The following CSMD1 variants were observed in gnomAD, a reference collection of about 807,000 sequenced individuals.
CSMD1 encodes the protein CUB and Sushi multiple domains 1.
Under a neutral mutation model 417.5 loss-of-function variants are expected in CSMD1, and 213 were observed. That is an observed-to-expected ratio of 0.51 (90% CI 0.46 to 0.57). The LOEUF is 0.57. CSMD1 is among the 20% of genes least tolerant of loss of function. CSMD1 has a pLI of 0.00. For missense variants in CSMD1, 6,923 were observed against 4,529.7 expected (o/e 1.53, Z -15.17); for synonymous variants, 2,862 against 1,736.8 (o/e 1.65, Z -16.11).
At chr8:3,818,750 A>T (rs1166677936) in intron 5 of CSMD1, among the ~76,000 whole-genome samples, 1 of 152,208 alleles carries the variant, frequency 6.6e-6, no homozygotes, top group African/African-American at 2.4e-5. Flanking sequence ...AGATAGACAG[A>T]TGGTGTTAAA....
At chr8:4,665,538 G>A (rs1007428662) in intron 1 of CSMD1, among the ~76,000 whole-genome samples, 3 of 152,152 alleles carry the variant, frequency 2.0e-5, no homozygotes, top group African/African-American at 7.2e-5. Flanking sequence ...GAGGGTGGCA[G>A]CTGGTTATCA....
chr8:4,899,921 CAG>C (rs1180064569), intron 1 of CSMD1, among the ~76,000 whole-genome samples: 2 of 152,146 alleles, frequency 1.3e-5, no homozygotes, highest in African/African-American at 4.8e-5. Flanking sequence ...TACCCATCAC[CAG>C]AGTCTTGTTC....
chr8:4,542,057 G>A (rs1461219684), intron 2 of CSMD1, among the ~76,000 whole-genome samples: 1 of 152,108 alleles, frequency 6.6e-6, no homozygotes, highest in Non-Finnish European at 1.5e-5. Context: ...GTCCCCGTGT[G>A]CAATGGGCGC....
At chr8:4,986,722 A>T (rs967612621) in intron 1 of CSMD1, among the ~76,000 whole-genome samples, 5 of 152,048 alleles carry the variant, frequency 3.3e-5, no homozygotes, top group East Asian at 1.9e-4. Context: ...TAAAACTATT[A>T]AAAAAAAGAA....
intron 5 of CSMD1, among the ~76,000 whole-genome samples, chr8:3,935,038 T>C (rs529226722): frequency 7.2e-5 from 11 of 152,274 alleles, no homozygotes; most frequent in South Asian, 6.2e-4. Context: ...AAAGCTAGTC[T>C]CGTTTCTTTT....
intron 7 of CSMD1, among the ~76,000 whole-genome samples, chr8:3,618,367 A>T (rs1481487276): frequency 2.0e-5 from 3 of 152,178 alleles, no homozygotes; most frequent in Admixed American, 2.0e-4. Flanking sequence ...CATTAAATAC[A>T]AATTCTATTG....
intron 1 of CSMD1, among the ~76,000 whole-genome samples, chr8:4,733,993 C>G (rs997434601): frequency 5.9e-5 from 9 of 152,124 alleles, no homozygotes; most frequent in African/African-American, 1.9e-4. Flanking sequence ...AGTGAAGATT[C>G]TCTTATCAAA....
At chr8:2,953,084 A>C (rs1337219415) in intron 65 of CSMD1, among the ~76,000 whole-genome samples, 1 of 152,190 alleles carries the variant, frequency 6.6e-6, no homozygotes, top group Non-Finnish European at 1.5e-5. Context: ...TCAATATCTT[A>C]AACACAAAAT....
chr8:4,236,880 C>A (rs548959770), intron 3 of CSMD1, among the ~76,000 whole-genome samples: 1 of 152,142 alleles, frequency 6.6e-6, no homozygotes, highest in Non-Finnish European at 1.5e-5. Flanking sequence ...ACAGGCCAGG[C>A]AATGGTATAA....
At chr8:3,043,178 C>G (rs780607191) in intron 50 of CSMD1, among the ~76,000 whole-genome samples, 63 of 144,734 alleles carry the variant, frequency 4.4e-4, no homozygotes, top group Non-Finnish European at 7.7e-4. Flanking sequence ...TTATATAGTA[C>G]CATAGGTCAC....
chr8:4,024,204 G>A (rs575318221), intron 4 of CSMD1, among the ~76,000 whole-genome samples: 49 of 152,128 alleles, frequency 3.2e-4, no homozygotes, highest in Non-Finnish European at 6.6e-4. Flanking sequence ...ATAGTAAGAA[G>A]ACATGGGAAA....
Position 3,781,170 on chromosome 8 carries a change from G to A in CSMD1, c.819-27128C>T, listed in dbSNP as rs574469879. On this transcript the variant is annotated intron_variant, in intron 5 of 69. Transcript: ENST00000635120. The stretch of plus-strand genomic sequence containing the variant: ...GGTTGTCCAAACAAGACAAAGATTG[G>A]TGATTATTTAACTCACAGTACAAAG... Among the ~76,000 whole-genome samples the A allele has an allele frequency of 1.6e-4, 24 of 152,224 alleles. No individual in the cohort carries two copies. The South Asian group carries it at 5.0e-3, about 32-fold the overall frequency.
In CSMD1 at chr8:3,976,599, A is replaced by G. The variant is rs1375542774; in HGVS notation, c.818+21304T>C. Among the ~76,000 whole-genome samples the G allele has an allele frequency of 3.3e-5, 5 of 152,356 alleles. No homozygotes were observed. The East Asian group carries it at 5.8e-4, about 18-fold the overall frequency. Reference sequence around the variant, plus strand: ...CAAAGTAAAACCAGGCAAGATTTGCATAAGCATTAATTATTTCATCAATGC... The same window carrying G: ...CAAAGTAAAACCAGGCAAGATTTGCGTAAGCATTAATTATTTCATCAATGC... On this transcript the variant is annotated intron_variant, in intron 5 of 69. Transcript: ENST00000635120.
intron 1 of CSMD1, among the ~76,000 whole-genome samples, chr8:4,768,678 G>A (rs914287516): frequency 6.6e-6 from 1 of 152,194 alleles, no homozygotes; most frequent in African/African-American, 2.4e-5. Context: ...AGGGAAAGGT[G>A]TTGGCGTTCC....
chr8:4,003,065 G>T (rs1815819006), intron 4 of CSMD1, among the ~76,000 whole-genome samples: 2 of 152,104 alleles, frequency 1.3e-5, no homozygotes, highest in African/African-American at 4.8e-5. Flanking sequence ...ACAGCAGGGG[G>T]ATATTATTTA....
intron 3 of CSMD1, among the ~76,000 whole-genome samples, chr8:4,249,118 T>G (rs1157392832): frequency 6.6e-6 from 1 of 152,216 alleles, no homozygotes; most frequent in African/African-American, 2.4e-5. Context: ...CTTTCCCCAG[T>G]TACACCAAAC....
intron 51 of CSMD1, among the ~76,000 whole-genome samples, chr8:3,021,123 C>T (rs930219827): frequency 2.0e-5 from 3 of 152,168 alleles, no homozygotes; most frequent in East Asian, 1.9e-4. Flanking sequence ...GAGGTTTCAG[C>T]GCACCTTCGC....
intron 1 of CSMD1, among the ~76,000 whole-genome samples, chr8:4,814,684 A>G (rs1799103636): frequency 6.6e-6 from 1 of 152,196 alleles, no homozygotes; most frequent in Non-Finnish European, 1.5e-5. Flanking sequence ...TGAACACAAC[A>G]GCAAATCCCA....
chr8:3,042,765 C>T (rs961132587), intron 50 of CSMD1, among the ~76,000 whole-genome samples: 2 of 152,076 alleles, frequency 1.3e-5, no homozygotes, highest in African/African-American at 2.4e-5. Context: ...GCCTGGTGCT[C>T]ATAGACATAA....
Sources: gnomAD v4.1 joint callset for allele counts (sites outside exome capture counted in the v4.1 genomes callset) on GRCh38, gnomAD v4.1.1 for gene constraint, MANE v1.5 for transcripts, NCBI Gene and HGNC (gene_info 2026-07-23, HGNC 2026-07-21) for gene names.